PCDHA10: variants seen among roughly 807,000 people sequenced by gnomAD.
PCDHA10 encodes protocadherin alpha-10.
PCDHA10 carries 45 observed loss-of-function variants against 61.2 expected under a neutral mutation model. The ratio of observed to expected loss-of-function variants is 0.74; its 90% confidence interval spans 0.58 to 0.94. The LOEUF (loss-of-function observed/expected upper bound fraction) is 0.94. Among genes scored for constraint, PCDHA10 ranks in the 40% least tolerant of loss-of-function variants. The pLI is 0.00. For missense variants in PCDHA10, 1,278 were observed against 1,236.2 expected (o/e 1.03, Z -0.51); for synonymous variants, 602 against 548.8 (o/e 1.10, Z -1.35).
chr5:140,965,954 C>A lies in PCDHA10; in HGVS notation c.2389-12995C>A, dbSNP rs567785452. Among the ~76,000 whole-genome samples the A allele has an allele frequency of 9.8e-4, 149 of 152,300 alleles. 1 individual carries two copies. The highest frequency in any genetic ancestry group is 1.7e-3 in the Non-Finnish European group (115 of 68,034). The stretch of plus-strand genomic sequence containing the variant: ...GGAAAGAGGGCAGCATTTGCCATCC[C>A]CCTCCTTTTGCCCTAGGAGTTGAGC... On this transcript the variant is annotated intron_variant, in intron 1 of 3. Coordinates refer to ENST00000307360, the MANE Select transcript of PCDHA10 (RefSeq NM_018901.4).
At chr5:140,918,943 T>C (rs1554198839) in intron 1 of PCDHA10, among the ~76,000 whole-genome samples, 1 of 152,220 alleles carries the variant, frequency 6.6e-6, no homozygotes, top group Non-Finnish European at 1.5e-5. Context: ...TGTTATAATA[T>C]CCTGAACAGA....
intron 1 of PCDHA10, chr5:140,877,349 T>C (rs1554169631): frequency 1.2e-6 from 2 of 1,613,984 alleles, no homozygotes; most frequent in Admixed American, 3.3e-5. Context: ...CACGTGGGGC[T>C]GTACACTGGC....
At chr5:140,877,504 A>G (rs532509235) in intron 1 of PCDHA10, 1 of 1,613,764 alleles carries the variant, frequency 6.2e-7, no homozygotes, top group South Asian at 1.1e-5. Context: ...GGCCCCAAAG[A>G]CGTCGTCGCG....
In PCDHA10 at chr5:140,876,858, G is replaced by A. The variant is rs201724019; in HGVS notation, c.2388+18422G>A. The A allele has an allele frequency of 1.3e-4, 215 of 1,614,152 alleles. No homozygotes were observed. In the East Asian group the frequency reaches 3.0e-3, roughly 22 times the overall value. ...CGTTCGCGCAGCCCGAGTACACAGT[G>A]TTCGTGAAGGAGAACAACCCGCCGG... On this transcript the variant is annotated intron_variant, in intron 1 of 3. Transcript: ENST00000307360.
intron 1 of PCDHA10, among the ~76,000 whole-genome samples, chr5:140,889,158 T>A (rs2062123549): frequency 6.6e-6 from 1 of 151,892 alleles, no homozygotes; most frequent in Non-Finnish European, 1.5e-5. Context: ...TCTTCTTTGT[T>A]AAGTATTCAA....
intron 1 of PCDHA10, among the ~76,000 whole-genome samples, chr5:140,978,369 A>G (rs1015473344): frequency 6.6e-6 from 1 of 152,196 alleles, no homozygotes; most frequent in Non-Finnish European, 1.5e-5. Flanking sequence ...CAAACTCTGC[A>G]ATAGTTTGTT....
intron 3 of PCDHA10, among the ~76,000 whole-genome samples, chr5:140,997,797 C>T (rs2097786104): frequency 6.6e-6 from 1 of 151,944 alleles, no homozygotes; most frequent in Non-Finnish European, 1.5e-5. Context: ...TATAATTTAT[C>T]CAATTTGCTG....
At chr5:140,917,699 A>G (rs980073163) in intron 1 of PCDHA10, among the ~76,000 whole-genome samples, 1 of 152,058 alleles carries the variant, frequency 6.6e-6, no homozygotes, top group Non-Finnish European at 1.5e-5. Flanking sequence ...AGATCAGATA[A>G]TTGTAGGTGT....
In PCDHA10 at chr5:140,967,305, A is replaced by G. The variant is rs782005994; in HGVS notation, c.2389-11644A>G. On this transcript the variant is annotated intron_variant, in intron 1 of 3. Transcript: ENST00000307360. ...GCGCAGGACCCCGACGTGGGCGCCA[A>G]CTCAGTACAGACCTACGAGCTCAGC... The G allele has an allele frequency of 5.7e-5, 92 of 1,612,346 alleles. 1 individual carries two copies. The South Asian group carries it at 9.7e-4, about 17-fold the overall frequency.
chr5:140,974,751 G>A (rs530548991), intron 1 of PCDHA10, among the ~76,000 whole-genome samples: 11 of 152,284 alleles, frequency 7.2e-5, no homozygotes, highest in African/African-American at 2.4e-4. Flanking sequence ...GCCTCCCAAA[G>A]TGCTGGGATT....
At chr5:140,962,565 C>G (rs2095693012) in intron 1 of PCDHA10, among the ~76,000 whole-genome samples, 1 of 152,130 alleles carries the variant, frequency 6.6e-6, no homozygotes, top group African/African-American at 2.4e-5. Flanking sequence ...CCCCTAAAAG[C>G]CAATTGTTAA....
chr5:140,874,803 A>G (rs536331240), intron 1 of PCDHA10, among the ~76,000 whole-genome samples: 1 of 152,378 alleles, frequency 6.6e-6, no homozygotes, highest in East Asian at 1.9e-4. Flanking sequence ...AGATTTATGA[A>G]TAAGACAATT....
At chr5:140,861,581 T>C (rs1243387936) in intron 1 of PCDHA10, 6 of 358,060 alleles carry the variant, frequency 1.7e-5, no homozygotes, top group East Asian at 7.9e-5. Flanking sequence ...AGGTTTTCCA[T>C]GTGGAGGTGA....
chr5:140,987,433 T>C (rs2097253895), intron 3 of PCDHA10, among the ~76,000 whole-genome samples: 1 of 152,108 alleles, frequency 6.6e-6, no homozygotes. Flanking sequence ...CAGGGGGCCT[T>C]TCCCCATGCC....
rs868923213 is a variant in PCDHA10 at position 140,920,059 on chromosome 5, G to C, written c.2389-58890G>C. 3.9e-5 allele frequency among the ~76,000 whole-genome samples: 6 copies of C among 152,144 alleles called. No individual in the cohort carries two copies. The South Asian group carries it at 6.2e-4, about 16-fold the overall frequency. The stretch of plus-strand genomic sequence containing the variant: ...GTGATGTCAACAGCCACCAACACCT[G>C]GAAAAGGCAGAAACAGATTCTCCGT... On this transcript the variant is annotated intron_variant, in intron 1 of 3. Transcript: ENST00000307360.
chr5:140,884,692 G>A, intron 1 of PCDHA10: 7 of 1,528,834 alleles, frequency 4.6e-6, no homozygotes, highest in Non-Finnish European at 6.1e-6. Context: ...AATTGTCTTA[G>A]TAAACACTTT....
At chr5:140,923,616 A>T (rs2081445050) in intron 1 of PCDHA10, among the ~76,000 whole-genome samples, 1 of 152,234 alleles carries the variant, frequency 6.6e-6, no homozygotes, top group African/African-American at 2.4e-5. Flanking sequence ...TTATCTGGTC[A>T]TCTTATCCAA....
chr5:140,997,559 T>A (rs550494855), intron 3 of PCDHA10, among the ~76,000 whole-genome samples: 2 of 152,148 alleles, frequency 1.3e-5, no homozygotes, highest in South Asian at 4.1e-4. Flanking sequence ...ACAGGACAAC[T>A]GTCATATGTG....
chr5:140,872,768 A>C (rs527621278), intron 1 of PCDHA10, among the ~76,000 whole-genome samples: 1 of 152,292 alleles, frequency 6.6e-6, no homozygotes, highest in East Asian at 1.9e-4. Context: ...ATAGGGCTAT[A>C]TTATCTATAA....
Sources: gnomAD v4.1 joint callset for allele counts (sites outside exome capture counted in the v4.1 genomes callset) on GRCh38, gnomAD v4.1.1 for gene constraint, MANE v1.5 for transcripts, NCBI Gene and HGNC (gene_info 2026-07-23, HGNC 2026-07-21) for gene names.